Variants in GSG1L2 observed in about 807,000 individuals in gnomAD.
GSG1L2 encodes the protein GSG1 like 2.
Under a neutral mutation model 9.0 loss-of-function variants are expected in GSG1L2, and 15 were observed. That is an observed-to-expected ratio of 1.67 (90% CI 1.12 to 2.57). The LOEUF (loss-of-function observed/expected upper bound fraction) is 2.57. Ranked by LOEUF, GSG1L2 falls within the 30% of genes most tolerant of loss-of-function variation. GSG1L2 has a pLI of 0.00. For synonymous variants in GSG1L2, 127 were observed against 57.9 expected (o/e 2.19, Z -5.41); for missense variants, 286 against 150.3 (o/e 1.90, Z -4.72).
intron 1 of GSG1L2, among the ~76,000 whole-genome samples, chr17:9,816,910 C>CTCTGTG (rs1555566439): frequency 3.2e-5 from 3 of 94,452 alleles, no homozygotes; most frequent in Non-Finnish European, 6.1e-5. Context: ...GTGTGTGTAT[C>CTCTGTG]TGTGTGTGTG....
intron 1 of GSG1L2, among the ~76,000 whole-genome samples, chr17:9,816,896 C>CTGTGTGTGTCTCTG (rs1567711560): frequency 3.7e-5 from 5 of 134,854 alleles, no homozygotes; most frequent in East Asian, 2.0e-4. Flanking sequence ...GTGTGTGTAT[C>CTGTGTGTGTCTCTG]TGTGTGTGTG....
intron 1 of GSG1L2, among the ~76,000 whole-genome samples, chr17:9,816,445 CGT>C (rs111141414): frequency 0.56 from 75,958 of 135,882 alleles, 20,537 homozygotes; most frequent in East Asian, 0.98. Context: ...TCTCTGTGTG[CGT>C]GTGTCTGTGT....
Position 9,822,075 on chromosome 17 carries a change from T to C in GSG1L2, c.-4A>G, listed in dbSNP as rs2152025665. 1.4e-6 allele frequency: 1 copy of C among 696,686 alleles called. No homozygotes were observed. Among genetic ancestry groups the C allele is most frequent in the Non-Finnish European group, 2.6e-6 (1 of 381,156 alleles). 43.2% of individuals were successfully genotyped at this position (696,686 alleles called of 1,614,324 possible). ...GCTGCTGCTTGGCCCTGTCCATGGC[T>C]GAGTGAGGTGCGTGGGGCAGGATGA... On this transcript the variant is annotated 5_prime_UTR_variant, in exon 1 of 5. Transcript: ENST00000399363.
intron 4 of GSG1L2, among the ~76,000 whole-genome samples, chr17:9,806,446 C>A (rs1342765112): frequency 6.6e-6 from 1 of 152,150 alleles, no homozygotes; most frequent in African/African-American, 2.4e-5. Flanking sequence ...ACGCTTAGTA[C>A]TATTTGATTT....
In GSG1L2 at chr17:9,811,331, T is replaced by A. The variant is rs148475337; in HGVS notation, c.311-713A>T. ...ACTATGAAAGGAAGGAATCGTTGTG[T>A]GTGTACCAGGTATTGGGCAGAAGCC... On this transcript the variant is annotated intron_variant, in intron 1 of 4. Coordinates refer to ENST00000399363, the MANE Select transcript of GSG1L2 (RefSeq NM_001310219.2). 9.0e-3 allele frequency among the ~76,000 whole-genome samples: 1,373 copies of A among 152,312 alleles called. 9 individuals are homozygous for A. Among genetic ancestry groups the A allele is most frequent in the Non-Finnish European group, 0.014 (963 of 68,026 alleles).
At chr17:9,817,579 C>CA (rs1051469405) in intron 1 of GSG1L2, among the ~76,000 whole-genome samples, 14 of 152,204 alleles carry the variant, frequency 9.2e-5, no homozygotes, top group African/African-American at 2.9e-4. Context: ...CACCCACCAC[C>CA]ACACCCGGCT....
chr17:9,816,484 G>GTA (rs2066561632), intron 1 of GSG1L2, among the ~76,000 whole-genome samples: 1 of 147,072 alleles, frequency 6.8e-6, no homozygotes, highest in Non-Finnish European at 1.5e-5. Flanking sequence ...GTCTGTGTGT[G>GTA]TGCATGTGTC....
intron 1 of GSG1L2, among the ~76,000 whole-genome samples, chr17:9,816,653 G>GTA (rs2066564760): frequency 8.2e-6 from 1 of 121,560 alleles, no homozygotes. Flanking sequence ...GTCTGTGTGT[G>GTA]TCTGTGTGTG....
intron 2 of GSG1L2, 172 bp from the exon 3 acceptor site, chr17:9,809,154 C>G (rs2066528371): frequency 3.3e-6 from 2 of 602,430 alleles, no homozygotes; most frequent in Middle Eastern, 3.6e-4. Context: ...AGGCACTCCT[C>G]AGGGCTGAAA....
rs558109932 is a variant in GSG1L2 at position 9,813,935 on chromosome 17, C to T, written c.311-3317G>A. Among the ~76,000 whole-genome samples, 5 of 136,024 alleles carry T rather than the reference C, an allele frequency of 3.7e-5. No individual in the cohort carries two copies. The East Asian group carries it at 9.3e-4, about 25-fold the overall frequency. The allele number at this position is 136,024 out of a possible 152,430, so 89.2% of individuals were successfully genotyped here. A position where few individuals can be genotyped will look rare whatever the true frequency, so the allele number is the denominator to read the frequency against. The stretch of plus-strand genomic sequence containing the variant: ...AAAGTATTTTGTGAACTGCATTCCA[C>T]AGTTTTTTCTGTTTTTTTTGACGGA... On this transcript the variant is annotated intron_variant, in intron 1 of 4. Coordinates refer to ENST00000399363, the MANE Select transcript of GSG1L2 (RefSeq NM_001310219.2).
At chr17:9,816,640 C>T (rs1011199237) in intron 1 of GSG1L2, among the ~76,000 whole-genome samples, 18 of 100,028 alleles carry the variant, frequency 1.8e-4, no homozygotes, top group Non-Finnish European at 2.8e-4. Flanking sequence ...TGTCTGTGTG[C>T]GTGTCTGTGT....
At chr17:9,814,708 T>C (rs1276312982) in intron 1 of GSG1L2, among the ~76,000 whole-genome samples, 1 of 152,120 alleles carries the variant, frequency 6.6e-6, no homozygotes, top group African/African-American at 2.4e-5. Flanking sequence ...GGGTGTTACA[T>C]AGCGTGTGTG....
intron 1 of GSG1L2, among the ~76,000 whole-genome samples, chr17:9,817,199 T>C (rs2066571201): frequency 6.6e-6 from 1 of 152,220 alleles, no homozygotes; most frequent in Admixed American, 6.5e-5. Context: ...TCATGCCATA[T>C]GCAGGTAGCC....
intron 1 of GSG1L2, among the ~76,000 whole-genome samples, chr17:9,816,944 T>A (rs963321500): frequency 2.6e-5 from 1 of 37,848 alleles, no homozygotes; most frequent in Non-Finnish European, 4.3e-5. Context: ...GTGTGTGTAG[T>A]AAACACTCTG....
intron 1 of GSG1L2, among the ~76,000 whole-genome samples, chr17:9,814,070 G>T (rs1458182774): frequency 1.3e-5 from 2 of 151,722 alleles, no homozygotes; most frequent in Non-Finnish European, 2.9e-5. Flanking sequence ...AAGTAGCTGG[G>T]ATTACAGGCA....
intron 3 of GSG1L2, among the ~76,000 whole-genome samples, chr17:9,808,348 A>T (rs1178914929): frequency 6.6e-6 from 1 of 152,194 alleles, no homozygotes; most frequent in South Asian, 2.1e-4. Flanking sequence ...CCAAATGTTG[A>T]TACTTTTTTT....
At chr17:9,807,773 C>T in intron 3 of GSG1L2, 172 bp from the exon 4 acceptor site, 1 of 584,214 alleles carries the variant, frequency 1.7e-6, no homozygotes. Flanking sequence ...ACAATTGAAA[C>T]TGAAGAGACA....
chr17:9,811,522 A>G (rs1367134576), intron 1 of GSG1L2, among the ~76,000 whole-genome samples: 1 of 152,178 alleles, frequency 6.6e-6, no homozygotes, highest in Non-Finnish European at 1.5e-5. Context: ...TGAAGATGTA[A>G]CCAAATTCTG....
In GSG1L2 at chr17:9,802,035, A is replaced by C. The variant is rs1440850685; in HGVS notation, c.*351T>G. Among the ~76,000 whole-genome samples, 1 of 152,210 alleles carries C rather than the reference A, an allele frequency of 6.6e-6. No individual in the cohort carries two copies. Among genetic ancestry groups the C allele is most frequent in the Non-Finnish European group, 1.5e-5 (1 of 68,048 alleles). ...CACATTTTGCCTCCCTTGTAGTTAA[A>C]AAGACTTGCTTTCCTCTTTCTTCAA... On this transcript the variant is annotated 3_prime_UTR_variant, in exon 5 of 5. Coordinates refer to ENST00000399363, the MANE Select transcript of GSG1L2 (RefSeq NM_001310219.2).
Sources: gnomAD v4.1 joint callset for allele counts (sites outside exome capture counted in the v4.1 genomes callset) on GRCh38, gnomAD v4.1.1 for gene constraint, MANE v1.5 for transcripts, NCBI Gene and HGNC (gene_info 2026-07-23, HGNC 2026-07-21) for gene names.